Variants in ST8SIA1 observed in about 807,000 individuals in gnomAD.
ST8SIA1 encodes the protein ST8 alpha-N-acetyl-neuraminide alpha-2,8-sialyltransferase 1.
In ST8SIA1, 16 loss-of-function variants were observed where a neutral mutation model predicts 35.9. The observed-to-expected ratio is 0.45, with a 90% CI of 0.30 to 0.68. The LOEUF is 0.68. Ranked by LOEUF, ST8SIA1 falls within the 30% of genes least tolerant of loss-of-function variation. The pLI is 0.09. For synonymous variants in ST8SIA1, 170 were observed against 169.6 expected (o/e 1.00, Z -0.02); for missense variants, 383 against 453.6 (o/e 0.84, Z 1.41).
chr12:22,252,186 G>C (rs1004586658), intron 3 of ST8SIA1, among the ~76,000 whole-genome samples: 1 of 152,112 alleles, frequency 6.6e-6, no homozygotes, highest in African/African-American at 2.4e-5. Context: ...TTATATCCTA[G>C]TCCTAGAAGA....
chr12:22,200,732 C>T lies in ST8SIA1; in HGVS notation c.*820G>A, dbSNP rs1277009467. On this transcript the variant is annotated 3_prime_UTR_variant, in exon 5 of 5. Transcript: ENST00000396037. ...TGCCAATTTACAAACAAATAATTCACTCATATTGGTAGTCTTTTGCACTAA... is the reference window on the plus strand; with the variant it reads ...TGCCAATTTACAAACAAATAATTCATTCATATTGGTAGTCTTTTGCACTAA... 1 of 152,130 alleles carries T rather than the reference C, an allele frequency of 6.6e-6. No homozygotes were observed. Among genetic ancestry groups the T allele is most frequent in the African/African-American group, 2.4e-5 (1 of 41,440 alleles). The allele number at this position is 152,130 out of a possible 1,614,324, so 9.4% of individuals were successfully genotyped here.
intron 1 of ST8SIA1, among the ~76,000 whole-genome samples, chr12:22,306,277 G>T (rs755555497): frequency 6.6e-6 from 1 of 152,144 alleles, no homozygotes; most frequent in Non-Finnish European, 1.5e-5. Context: ...TCATGGGCAC[G>T]TCCTCAATCT....
intron 4 of ST8SIA1, among the ~76,000 whole-genome samples, chr12:22,221,505 AAAG>A (rs1276351526): frequency 1.3e-5 from 2 of 152,226 alleles, no homozygotes; most frequent in Non-Finnish European, 2.9e-5. Context: ...AGAAAATAAC[AAAG>A]AAGAGGAGGT....
intron 1 of ST8SIA1, among the ~76,000 whole-genome samples, chr12:22,319,626 G>T (rs1866559126): frequency 1.3e-5 from 2 of 152,188 alleles, no homozygotes; most frequent in Non-Finnish European, 2.9e-5. Flanking sequence ...CAGGGCTGGG[G>T]GAAGAGTCTG....
In ST8SIA1 at chr12:22,267,337, A is replaced by T. The variant is rs746604705; in HGVS notation, c.382-11948T>A. Reference sequence around the variant, plus strand: ...TGCTAATTAACTATTATTTTCATTTAAAAAAAAGCATGTCCATGATTGATT... The same window carrying T: ...TGCTAATTAACTATTATTTTCATTTTAAAAAAAGCATGTCCATGATTGATT... On this transcript the variant is annotated intron_variant, in intron 2 of 4. Coordinates refer to ENST00000396037, the MANE Select transcript of ST8SIA1 (RefSeq NM_003034.4). 1.9e-4 allele frequency among the ~76,000 whole-genome samples: 18 copies of T among 92,568 alleles called. No individual in the cohort carries two copies. In the South Asian group the frequency reaches 5.2e-3, roughly 27 times the overall value. The allele number at this position is 92,568 out of a possible 152,430, so 60.7% of individuals were successfully genotyped here.
intron 4 of ST8SIA1, among the ~76,000 whole-genome samples, chr12:22,239,872 T>C (rs181605349): frequency 4.6e-5 from 7 of 152,324 alleles, no homozygotes; most frequent in South Asian, 4.1e-4. Context: ...ACCCTCAACA[T>C]GGTGAGTCCA....
At position 22,199,474 on chromosome 12, in the gene ST8SIA1, C is replaced by T. The variant is rs1865026841; in HGVS notation, c.*2078G>A. ...AATAACAGTAGCTCAAAAGAGGAAA[C>T]ATATTTAAAGTTTCACTCAAAGTGA... On this transcript the variant is annotated 3_prime_UTR_variant, in exon 5 of 5. Transcript: ENST00000396037. 1.3e-5 allele frequency: 2 copies of T among 152,026 alleles called. No homozygotes were observed. The highest frequency in any genetic ancestry group is 2.4e-5 in the African/African-American group (1 of 41,374). The allele number at this position is 152,026 out of a possible 1,614,324, so 9.4% of individuals were successfully genotyped here.
At chr12:22,311,041 C>G (rs1418843607) in intron 1 of ST8SIA1, among the ~76,000 whole-genome samples, 3 of 152,094 alleles carry the variant, frequency 2.0e-5, no homozygotes, top group Non-Finnish European at 4.4e-5. Context: ...TTCAATAAAT[C>G]CCATGTGCTC....
At chr12:22,211,218 A>G (rs552930670) in intron 4 of ST8SIA1, among the ~76,000 whole-genome samples, 1 of 152,250 alleles carries the variant, frequency 6.6e-6, no homozygotes, top group African/African-American at 2.4e-5. Context: ...ATGTTCAGCT[A>G]TCCAGAAGCT....
At chr12:22,244,150 C>A (rs1213155024) in intron 4 of ST8SIA1, among the ~76,000 whole-genome samples, 1 of 152,130 alleles carries the variant, frequency 6.6e-6, no homozygotes, top group Non-Finnish European at 1.5e-5. Context: ...AACTGAGAAC[C>A]TTTAAAATTA....
intron 4 of ST8SIA1, among the ~76,000 whole-genome samples, chr12:22,213,748 C>T (rs1865201931): frequency 6.6e-6 from 1 of 152,040 alleles, no homozygotes; most frequent in Non-Finnish European, 1.5e-5. Flanking sequence ...ATTTTACCTA[C>T]AAGGAAAATG....
At chr12:22,321,132 T>G (rs1186142735) in intron 1 of ST8SIA1, among the ~76,000 whole-genome samples, 1 of 152,010 alleles carries the variant, frequency 6.6e-6, no homozygotes, top group African/African-American at 2.4e-5. Context: ...CACCAGGCAC[T>G]GCACTCCTGG....
intron 4 of ST8SIA1, among the ~76,000 whole-genome samples, chr12:22,215,892 T>G (rs1395271487): frequency 6.6e-6 from 1 of 152,132 alleles, no homozygotes; most frequent in Non-Finnish European, 1.5e-5. Context: ...AACAACAGAA[T>G]CCTTTCAGCA....
chr12:22,236,422 C>G (rs1477032409), intron 4 of ST8SIA1, among the ~76,000 whole-genome samples: 1 of 152,236 alleles, frequency 6.6e-6, no homozygotes, highest in African/African-American at 2.4e-5. Flanking sequence ...CTGACAGAAA[C>G]CCCTCCGCAC....
chr12:22,209,510 G>A (rs1037115735), intron 4 of ST8SIA1, among the ~76,000 whole-genome samples: 22 of 152,172 alleles, frequency 1.4e-4, no homozygotes, highest in Admixed American at 3.9e-4. Flanking sequence ...AGAAATCTGT[G>A]AGAAACAGTA....
chr12:22,276,693 T>C (rs1865972819), intron 2 of ST8SIA1, among the ~76,000 whole-genome samples: 1 of 152,172 alleles, frequency 6.6e-6, no homozygotes, highest in African/African-American at 2.4e-5. Context: ...GGGGTGTTCC[T>C]AACTGAGCAG....
chr12:22,207,870 C>A (rs556930630), intron 4 of ST8SIA1, among the ~76,000 whole-genome samples: 2 of 151,896 alleles, frequency 1.3e-5, no homozygotes, highest in East Asian at 1.9e-4. Context: ...TCTAGCCAGG[C>A]GCGGTGGCTC....
At chr12:22,227,447 G>A (rs1023611779) in intron 4 of ST8SIA1, among the ~76,000 whole-genome samples, 5 of 151,764 alleles carry the variant, frequency 3.3e-5, no homozygotes, top group South Asian at 2.1e-4. Context: ...GGTGGTGGGC[G>A]CCTGTAATCC....
In ST8SIA1 at chr12:22,288,389, G is replaced by A. The variant is rs578243276; in HGVS notation, c.237-1096C>T. Among the ~76,000 whole-genome samples, 4 of 152,272 alleles carry A rather than the reference G, an allele frequency of 2.6e-5. 1 individual carries two copies. Among genetic ancestry groups the A allele is most frequent in the South Asian group, 4.2e-4 (2 of 4,818 alleles). On this transcript the variant is annotated intron_variant, in intron 1 of 4. Transcript: ENST00000396037. ...AAGGGGCTGCAGAACTGCCCTATGA[G>A]ACTTTCGTTGAGAGTTCACTGAGAA...
Sources: gnomAD v4.1 joint callset for allele counts (sites outside exome capture counted in the v4.1 genomes callset) on GRCh38, gnomAD v4.1.1 for gene constraint, MANE v1.5 for transcripts, NCBI Gene and HGNC (gene_info 2026-07-23, HGNC 2026-07-21) for gene names.